RAI14: variants seen among roughly 807,000 people sequenced by gnomAD.
RAI14 encodes the protein ankycorbin.
In RAI14, 45 loss-of-function variants were observed where a neutral mutation model predicts 115.4. The ratio of observed to expected loss-of-function variants is 0.39; its 90% CI spans 0.31 to 0.50. The LOEUF (loss-of-function observed/expected upper bound fraction) is 0.50, where lower values mean the gene tolerates loss of function less well. Among genes scored for constraint, RAI14 ranks in the 20% least tolerant of loss-of-function variants. The pLI, the probability that RAI14 is intolerant of heterozygous loss-of-function variation, is 0.85. For missense variants in RAI14, 939 were observed against 1,131.2 expected (o/e 0.83, Z 2.44); for synonymous variants, 371 against 415.4 (o/e 0.89, Z 1.30).
intron 2 of RAI14, among the ~76,000 whole-genome samples, chr5:34,726,837 C>T (rs563539633): frequency 7.9e-5 from 12 of 152,300 alleles, no homozygotes; most frequent in Middle Eastern, 3.4e-3. Flanking sequence ...CGCAGTCATG[C>T]GTAACTGTGA....
intron 2 of RAI14, among the ~76,000 whole-genome samples, chr5:34,731,069 G>T (rs185662002): frequency 2.6e-5 from 4 of 152,292 alleles, no homozygotes; most frequent in Admixed American, 1.3e-4. Context: ...ATGTATCAGA[G>T]TAAAAGAAAG....
intron 2 of RAI14, among the ~76,000 whole-genome samples, chr5:34,705,866 C>CT (rs1381375987): frequency 6.6e-6 from 1 of 152,008 alleles, no homozygotes; most frequent in African/African-American, 2.4e-5. Context: ...AGGCTGGTCT[C>CT]GAACTCCTGA....
At chr5:34,762,218 G>C (rs1748745374) in intron 3 of RAI14, among the ~76,000 whole-genome samples, 1 of 152,310 alleles carries the variant, frequency 6.6e-6, no homozygotes, top group African/African-American at 2.4e-5. Flanking sequence ...CTTGGATTCA[G>C]AGGGGAAAGA....
At chr5:34,768,043 C>T (rs1329022008) in intron 3 of RAI14, among the ~76,000 whole-genome samples, 2 of 152,066 alleles carry the variant, frequency 1.3e-5, no homozygotes, top group East Asian at 1.9e-4. Context: ...ACAGTTTGCA[C>T]CGTTCACCTG....
intron 14 of RAI14, among the ~76,000 whole-genome samples, chr5:34,822,670 T>C (rs796434861): frequency 1.0e-3 from 26 of 25,684 alleles, no homozygotes; most frequent in African/African-American, 5.0e-3. Flanking sequence ...GTATCTTTTT[T>C]TTTTTTTTTT....
chr5:34,779,890 C>CA (rs1751388350), intron 3 of RAI14, among the ~76,000 whole-genome samples: 1 of 151,982 alleles, frequency 6.6e-6, no homozygotes, highest in Non-Finnish European at 1.5e-5. Flanking sequence ...CATAAGGAAC[C>CA]AAAAAAGAGC....
intron 2 of RAI14, among the ~76,000 whole-genome samples, chr5:34,740,306 G>T (rs1745344964): frequency 6.6e-6 from 1 of 152,238 alleles, no homozygotes; most frequent in African/African-American, 2.4e-5. Flanking sequence ...TTAGATTAAG[G>T]CCTGAATCCA....
intron 1 of RAI14, among the ~76,000 whole-genome samples, chr5:34,684,177 C>T (rs1009020821): frequency 6.6e-6 from 1 of 152,186 alleles, no homozygotes; most frequent in African/African-American, 2.4e-5. Flanking sequence ...AAAAACAACC[C>T]AACTTTGGTT....
rs200150257 is a variant in RAI14, at chr5:34,826,479, G to A, written c.2799G>A (p.Ala933=). Residue 933 remains alanine, a splice_region_variant and synonymous_variant, in exon 16 of 18, where the codon GCG becomes GCA. Transcript: ENST00000265109. ...QQVKQLQNQL[A]ECKKQHQEVI... The stretch of plus-strand genomic sequence containing the variant: ...TCAAACAGCTCCAGAACCAGCTGGC[G>A]GTGAGTGGGCTTGTTTCTGCTGCCT... 16 of 1,612,480 alleles carry A rather than the reference G, an allele frequency of 9.9e-6. No homozygotes were observed. The highest frequency in any genetic ancestry group is 1.6e-4 in the Middle Eastern group (1 of 6,070).
At chr5:34,752,701 ATATGTGTGTGTGTGTGTGTGTG>A (rs780357401) in intron 2 of RAI14, among the ~76,000 whole-genome samples, 1,780 of 90,118 alleles carry the variant, frequency 0.02, 162 homozygotes, top group Non-Finnish European at 0.027. Flanking sequence ...TTTCTTACAT[ATATGTGTGTGTGTGTGTGTGTG>A]TGTGTGTGTG....
rs1416735841 is a variant in RAI14, at chr5:34,824,095, A to G, written c.2253A>G (p.Ile751Met). ...RTAAKEMEEK[I>M]SNLKEHLASK... ...CAGCAAAAGAGATGGAAGAAAAAAT[A>G]AGCAATCTTAAGGAACACCTTGCAA... Residue 751 changes from isoleucine to methionine, a missense_variant, in exon 15 of 18, where the codon ATA (isoleucine) becomes ATG (methionine). Coordinates refer to ENST00000265109, the MANE Select transcript of RAI14 (RefSeq NM_015577.3). 3.7e-6 allele frequency: 6 copies of G among 1,614,068 alleles called. No homozygotes were observed. Among genetic ancestry groups the G allele is most frequent in the Non-Finnish European group, 5.1e-6 (6 of 1,180,010 alleles).
intron 3 of RAI14, among the ~76,000 whole-genome samples, chr5:34,783,479 A>G (rs1182520377): frequency 2.0e-5 from 3 of 152,110 alleles, no homozygotes; most frequent in Non-Finnish European, 2.9e-5. Context: ...CCTCTACCCC[A>G]AGTTATTATT....
intron 6 of RAI14, 138 bp from the exon 7 acceptor site, chr5:34,808,445 AC>A: frequency 1.3e-6 from 1 of 769,382 alleles, no homozygotes; most frequent in Non-Finnish European, 2.2e-6. Flanking sequence ...CCTTCCTAAT[AC>A]CATTTCTCTT....
chr5:34,750,205 C>T (rs1746800516), intron 2 of RAI14, among the ~76,000 whole-genome samples: 1 of 151,958 alleles, frequency 6.6e-6, no homozygotes, highest in South Asian at 2.1e-4. Context: ...GGCCCAGGGA[C>T]ACGGATGACC....
chr5:34,684,818 A>C (rs1744682389), intron 1 of RAI14: 1 of 152,188 alleles, frequency 6.6e-6, no homozygotes, highest in African/African-American at 2.4e-5. Context: ...GGAATGTGAG[A>C]GGACCTGGCA....
chr5:34,718,162 T>C (rs1458801140), intron 2 of RAI14, among the ~76,000 whole-genome samples: 2 of 152,176 alleles, frequency 1.3e-5, no homozygotes, highest in African/African-American at 4.8e-5. Flanking sequence ...AATTAGTGAA[T>C]TGTGGCTGCC....
chr5:34,701,459 G>GT (rs1408618239), intron 2 of RAI14, among the ~76,000 whole-genome samples: 3 of 152,132 alleles, frequency 2.0e-5, no homozygotes, highest in Non-Finnish European at 2.9e-5. Context: ...GACAGCCACT[G>GT]TAAGACTTCA....
chr5:34,709,419 G>T (rs1362423865), intron 2 of RAI14, among the ~76,000 whole-genome samples: 2 of 152,170 alleles, frequency 1.3e-5, no homozygotes, highest in African/African-American at 2.4e-5. Context: ...CTGCACTCCA[G>T]CCTGGGCCAC....
At chr5:34,819,042 A>G (rs552691263) in intron 13 of RAI14, among the ~76,000 whole-genome samples, 191 bp downstream of exon 13, 36 of 152,334 alleles carry the variant, frequency 2.4e-4, no homozygotes, top group African/African-American at 8.7e-4. Flanking sequence ...TGCATTTTAA[A>G]GAGTCTCTGA....
Sources: gnomAD v4.1 joint callset for allele counts (sites outside exome capture counted in the v4.1 genomes callset) on GRCh38, gnomAD v4.1.1 for gene constraint, MANE v1.5 for transcripts, NCBI Gene and HGNC (gene_info 2026-07-23, HGNC 2026-07-21) for gene names.